PSD3: variants seen among roughly 807,000 people sequenced by gnomAD.
The protein encoded by PSD3 is PH and SEC7 domain-containing protein 3.
A neutral mutation model predicts 105.5 loss-of-function variants in PSD3; 49 were observed. That is an observed-to-expected ratio of 0.46 (90% confidence interval 0.37 to 0.59). PSD3 has a LOEUF of 0.59. PSD3 is among the 20% of genes least tolerant of loss of function. PSD3 has a pLI of 0.00. For missense variants in PSD3, 1,561 were observed against 1,263.8 expected, an observed-to-expected ratio of 1.24 and a Z score of -3.57; for synonymous variants, 557 against 457.8, an observed-to-expected ratio of 1.22 and a Z score of -2.77.
At position 18,905,092 on chromosome 8, in the gene PSD3, A is replaced by G. The variant is rs553567157; in HGVS notation, c.130+30942T>C. ...AAAAAACTGAGGCGAGAGTGTTTTA[A>G]GTAGCTTATAGCCAGGACTAGAAGC... On this transcript the variant is annotated intron_variant, in intron 2 of 15. Transcript: ENST00000327040. Among the ~76,000 whole-genome samples the G allele has an allele frequency of 5.3e-4, 80 of 152,346 alleles. 1 individual carries two copies. The South Asian group carries it at 0.016, about 30-fold the overall frequency.
At chr8:18,851,018 GAAC>G (rs1259772746) in intron 4 of PSD3, among the ~76,000 whole-genome samples, 3 of 152,188 alleles carry the variant, frequency 2.0e-5, no homozygotes, top group African/African-American at 7.2e-5. Flanking sequence ...AAGGACACCA[GAAC>G]ACCAGACAGC....
At position 18,529,809 on chromosome 8, in the gene PSD3, G is replaced by A. The variant is rs1343531574; in HGVS notation, c.*5934C>T. On this transcript the variant is annotated 3_prime_UTR_variant, in exon 16 of 16. Coordinates refer to ENST00000327040, the MANE Select transcript of PSD3 (RefSeq NM_015310.4). Reference sequence around the variant, plus strand: ...TGCTTCTCCTACTCCTTTTCTACATGATTTTTGAATCAAATGGCTGTTTCT... The same window carrying A: ...TGCTTCTCCTACTCCTTTTCTACATAATTTTTGAATCAAATGGCTGTTTCT... 1.3e-5 allele frequency: 2 copies of A among 152,540 alleles called. No individual in the cohort carries two copies. Among genetic ancestry groups the A allele is most frequent in the Admixed American group, 6.5e-5 (1 of 15,270 alleles). 9.4% of individuals were successfully genotyped at this position (152,540 alleles called of 1,614,324 possible).
chr8:18,949,193 G>C (rs1396891615), intron 1 of PSD3, among the ~76,000 whole-genome samples: 1 of 106,364 alleles, frequency 9.4e-6, no homozygotes, highest in Non-Finnish European at 1.8e-5. Flanking sequence ...CTGCACTCCA[G>C]CCTGGGCTAC....
At chr8:18,572,772 T>C in intron 13 of PSD3, 100 bp from the exon 14 acceptor site, 1 of 1,320,584 alleles carries the variant, frequency 7.6e-7, no homozygotes, top group Admixed American at 1.9e-5. Flanking sequence ...CATGTGAAAA[T>C]CATTTACTCC....
At chr8:18,965,275 C>T (rs1429441993) in intron 1 of PSD3, among the ~76,000 whole-genome samples, 1 of 152,180 alleles carries the variant, frequency 6.6e-6, no homozygotes, top group Non-Finnish European at 1.5e-5. Context: ...CTTTCACACT[C>T]AGTTATATGT....
At chr8:18,606,447 G>A (rs1227628343) in intron 11 of PSD3, among the ~76,000 whole-genome samples, 2 of 152,140 alleles carry the variant, frequency 1.3e-5, no homozygotes, top group African/African-American at 4.8e-5. Flanking sequence ...TATCCATTCA[G>A]ATAAAAGTTA....
In PSD3 at chr8:19,004,119, C is replaced by A. The variant is rs144363585; in HGVS notation, c.21+9444G>T. Among the ~76,000 whole-genome samples the A allele has an allele frequency of 2.6e-5, 4 of 152,114 alleles. No homozygotes were observed. In the East Asian group the frequency reaches 7.7e-4, roughly 29 times the overall value. On this transcript the variant is annotated intron_variant, in intron 1 of 15. Coordinates refer to ENST00000327040, the MANE Select transcript of PSD3 (RefSeq NM_015310.4). ...ATGACATTACAGTATCTAAAAAGAT[C>A]AAGAAGGGTCTTCTAGGTAGGGTGT...
intron 1 of PSD3, among the ~76,000 whole-genome samples, chr8:19,048,956 C>T: frequency 6.6e-6 from 1 of 152,204 alleles, no homozygotes; most frequent in East Asian, 1.9e-4. Context: ...TTGCTGCCTT[C>T]TTGCTCTATC....
Position 19,058,480 on chromosome 8 carries a change from A to G in PSD3, c.324+25726T>C, listed in dbSNP as rs867342159. Among the ~76,000 whole-genome samples the G allele has an allele frequency of 1.3e-4, 19 of 148,426 alleles. No individual in the cohort carries two copies. The Middle Eastern group carries it at 0.011, about 84-fold the overall frequency. On this transcript the variant is annotated intron_variant, in intron 1 of 1. Transcript: ENST00000521475. ...ATAATAGCATATACAATATAAGTAT[A>G]TAAAATTTATATATAATTTATATAC...
At chr8:18,560,647 A>C (rs1238613105) in intron 14 of PSD3, among the ~76,000 whole-genome samples, 1 of 152,190 alleles carries the variant, frequency 6.6e-6, no homozygotes, top group Non-Finnish European at 1.5e-5. Context: ...TAATATATAC[A>C]ACAACATTTT....
At chr8:18,612,587 G>T (rs2130654076) in intron 11 of PSD3, among the ~76,000 whole-genome samples, 1 of 152,170 alleles carries the variant, frequency 6.6e-6, no homozygotes, top group South Asian at 2.1e-4. Flanking sequence ...GGCCAGGATG[G>T]TCTTGATCTC....
intron 10 of PSD3, among the ~76,000 whole-genome samples, chr8:18,635,087 T>G (rs1807160382): frequency 2.0e-5 from 3 of 152,192 alleles, no homozygotes; most frequent in Admixed American, 2.0e-4. Context: ...AATACTATTG[T>G]TATTTAATTT....
Position 18,909,879 on chromosome 8 carries a change from C to T in PSD3, c.130+26155G>A, listed in dbSNP as rs577637320. 2.6e-4 allele frequency among the ~76,000 whole-genome samples: 39 copies of T among 152,286 alleles called. 1 individual carries two copies. In the South Asian group the frequency reaches 7.7e-3, roughly 30 times the overall value. On this transcript the variant is annotated intron_variant, in intron 2 of 15. Transcript: ENST00000327040. ...TGTTTTTATATGTTTTTACTTCTATCGTATTCCTGACATTGTAATTTCCCT... is the reference window on the plus strand; with the variant it reads ...TGTTTTTATATGTTTTTACTTCTATTGTATTCCTGACATTGTAATTTCCCT...
chr8:18,895,856 T>C (rs140411220), intron 2 of PSD3, among the ~76,000 whole-genome samples: 6 of 152,372 alleles, frequency 3.9e-5, no homozygotes, highest in Non-Finnish European at 4.4e-5. Context: ...TAAATGTTTG[T>C]AAATTATACT....
Position 18,527,810 on chromosome 8 carries a change from T to G in PSD3, c.*7933A>C, listed in dbSNP as rs1347026321. On this transcript the variant is annotated 3_prime_UTR_variant, in exon 16 of 16. Transcript: ENST00000327040. ...AGGAACAGGTTTCCAGTACGTGTTA[T>G]AGTACCGCCAGCTTACCCAAAACTG... The G allele has an allele frequency of 6.6e-6, 1 of 152,432 alleles. No individual in the cohort carries two copies. Among genetic ancestry groups the G allele is most frequent in the African/African-American group, 2.4e-5 (1 of 41,440 alleles). The allele number at this position is 152,432 out of a possible 1,614,324, so 9.4% of individuals were successfully genotyped here. A position where few individuals can be genotyped will look rare whatever the true frequency, so the allele number is the denominator to read the frequency against.
At chr8:19,052,529 G>T (rs542385776) in intron 1 of PSD3, among the ~76,000 whole-genome samples, 16 of 151,952 alleles carry the variant, frequency 1.1e-4, no homozygotes, top group Admixed American at 7.2e-4. Context: ...GCAAAGCAAA[G>T]TGTCAAGAGC....
chr8:18,949,244 A>AAATATATAT (rs1345423514), intron 1 of PSD3, among the ~76,000 whole-genome samples: 8 of 14,404 alleles, frequency 5.6e-4, no homozygotes, highest in Non-Finnish European at 1.3e-3. Flanking sequence ...AAAAAAAAAA[A>AAATATATAT]ATATATATAT....
chr8:18,680,659 A>T (rs2130949254), intron 9 of PSD3, among the ~76,000 whole-genome samples: 1 of 152,108 alleles, frequency 6.6e-6, no homozygotes, highest in East Asian at 1.9e-4. Context: ...ACAAAGCCAC[A>T]CTCTCTCTAG....
chr8:19,019,962 C>T (rs60549282), intron 1 of PSD3, among the ~76,000 whole-genome samples: 17,052 of 151,988 alleles, frequency 0.11, 1,192 homozygotes, highest in African/African-American at 0.19. Flanking sequence ...GAGGGTGGTC[C>T]GGGGCATAGG....
Sources: gnomAD v4.1 joint callset for allele counts (sites outside exome capture counted in the v4.1 genomes callset) on GRCh38, gnomAD v4.1.1 for gene constraint, MANE v1.5 for transcripts, NCBI Gene and HGNC (gene_info 2026-07-23, HGNC 2026-07-21) for gene names.